THY1: variants seen among roughly 807,000 people sequenced by gnomAD.
THY1 encodes thy-1 membrane glycoprotein.
A neutral mutation model predicts 14.9 loss-of-function variants in THY1; 10 were observed. The ratio of observed to expected loss-of-function variants is 0.67; its 90% CI spans 0.41 to 1.14. The LOEUF is 1.14. THY1 is among the 50% of genes most tolerant of loss of function. THY1 has a pLI of 0.00. For missense variants in THY1, 159 were observed against 202.1 expected (o/e 0.79, Z 1.29); for synonymous variants, 80 against 90.0 (o/e 0.89, Z 0.63).
At position 119,418,377 on chromosome 11, in the gene THY1, G is replaced by A. The variant is rs1861821292; in HGVS notation, c.*1031C>T. ...TGCCTCAGGCCCCGCAGAAGTCCCT[G>A]AGAAGGCAGGCCTGCGGGGCAGGGG... On this transcript the variant is annotated 3_prime_UTR_variant, in exon 4 of 4. Coordinates refer to ENST00000284240, the MANE Select transcript of THY1 (RefSeq NM_006288.5). The A allele has an allele frequency of 6.6e-6, 1 of 152,318 alleles. No homozygotes were observed. 9.4% of individuals were successfully genotyped at this position (152,318 alleles called of 1,614,324 possible). A position where few individuals can be genotyped will look rare whatever the true frequency, so the allele number is the denominator to read the frequency against.
chr11:119,423,289 G>A (rs920377597), upstream of THY1: 39 of 354,768 alleles, frequency 1.1e-4, 1 homozygote, highest in Non-Finnish European at 1.7e-4. Flanking sequence ...AGGGTGGGGT[G>A]GGGGGTGGGG....
chr11:119,423,448 C>G (rs577227915), upstream of THY1: 1 of 350,452 alleles, frequency 2.9e-6, no homozygotes, highest in East Asian at 7.7e-5. Flanking sequence ...ACATTATCCT[C>G]CTCCCTGAGC....
chr11:119,420,307 G>T lies in THY1; in HGVS notation c.117C>A (p.Arg39=). ...TGGGTGAACTGCTGGTATTCTCATGGCGGCAGTCCAGACGAAGGCTCTGGT... is the reference window on the plus strand; with the variant it reads ...TGGGTGAACTGCTGGTATTCTCATGTCGGCAGTCCAGACGAAGGCTCTGGT... ...LVDQSLRLDC[R]HENTSSSPIQ... The change falls in exon 3 of 4, where the codon CGC becomes CGA. Residue 39 remains arginine, a synonymous_variant. Coordinates refer to ENST00000284240, the MANE Select transcript of THY1 (RefSeq NM_006288.5). 1 of 1,614,224 alleles carries T rather than the reference G, an allele frequency of 6.2e-7. No individual in the cohort carries two copies. Among genetic ancestry groups the T allele is most frequent in the Non-Finnish European group, 8.5e-7 (1 of 1,180,052 alleles).
chr11:119,424,578 A>G (rs571358228), upstream of THY1, among the ~76,000 whole-genome samples: 25 of 152,146 alleles, frequency 1.6e-4, no homozygotes, highest in Non-Finnish European at 3.1e-4. Flanking sequence ...TGAGCCTTGC[A>G]GATGGTTAAG....
Position 119,417,778 on chromosome 11 carries a change from G to C in THY1, c.*1630C>G, listed in dbSNP as rs1454993438. The C allele has an allele frequency of 6.6e-6, 1 of 152,288 alleles. No individual in the cohort carries two copies. 9.4% of individuals were successfully genotyped at this position (152,288 alleles called of 1,614,324 possible). A position where few individuals can be genotyped will look rare whatever the true frequency, so the allele number is the denominator to read the frequency against. On this transcript the variant is annotated 3_prime_UTR_variant, in exon 4 of 4. Coordinates refer to ENST00000284240, the MANE Select transcript of THY1 (RefSeq NM_006288.5). Reference sequence around the variant, plus strand: ...CCTTCGTGCTCACCCTCGCAATAGTGGATGTGCCTGGAGGGTACATTTCTG... The same window carrying C: ...CCTTCGTGCTCACCCTCGCAATAGTCGATGTGCCTGGAGGGTACATTTCTG...
upstream of THY1, chr11:119,423,673 G>A (rs765324383): frequency 5.6e-6 from 1 of 178,658 alleles, no homozygotes; most frequent in African/African-American, 2.4e-5. Flanking sequence ...CTGGTTGGGT[G>A]TTTTTCAGTG....
chr11:119,418,129 G>C lies in THY1; in HGVS notation c.*1279C>G, dbSNP rs576756866. Reference sequence around the variant, plus strand: ...ACCCGTGGAGACCCCAGCGAAGCGGGGGCAGGCAGGCACTGCTGGAGGAGC... The same window carrying C: ...ACCCGTGGAGACCCCAGCGAAGCGGCGGCAGGCAGGCACTGCTGGAGGAGC... On this transcript the variant is annotated 3_prime_UTR_variant, in exon 4 of 4. Coordinates refer to ENST00000284240, the MANE Select transcript of THY1 (RefSeq NM_006288.5). 11 of 152,656 alleles carry C rather than the reference G, an allele frequency of 7.2e-5. No individual in the cohort carries two copies. Among genetic ancestry groups the C allele is most frequent in the African/African-American group, 2.6e-4 (11 of 41,598 alleles). 9.5% of individuals were successfully genotyped at this position (152,656 alleles called of 1,614,324 possible). A position where few individuals can be genotyped will look rare whatever the true frequency, so the allele number is the denominator to read the frequency against.
Position 119,417,629 on chromosome 11 carries a change from G to GCC in THY1, c.*1777_*1778dup, listed in dbSNP as rs1326472785. 3.3e-5 allele frequency: 5 copies of GCC among 152,186 alleles called. No homozygotes were observed. Among genetic ancestry groups the GCC allele is most frequent in the Non-Finnish European group, 7.3e-5 (5 of 68,034 alleles). The allele number at this position is 152,186 out of a possible 1,614,324, so 9.4% of individuals were successfully genotyped here. ...ATTTTACTCTACTTTTAGGGAAGGA[G>GCC]CCAGGGATGGGCCTCAGTGTTCCCT... On this transcript the variant is annotated 3_prime_UTR_variant, in exon 4 of 4. Transcript: ENST00000284240.
intron 2 of THY1, chr11:119,420,623 T>C: frequency 1.6e-6 from 1 of 630,298 alleles, no homozygotes; most frequent in South Asian, 2.0e-5. Flanking sequence ...AGGGAGTTGA[T>C]GCTGGTTCCG....
rs1861930332 is a variant in THY1, at chr11:119,422,634, C to T, written c.-25+479G>A. 1 of 219,762 alleles carries T rather than the reference C, an allele frequency of 4.6e-6. No individual in the cohort carries two copies. Among genetic ancestry groups the T allele is most frequent in the African/African-American group, 2.4e-5 (1 of 42,132 alleles). 13.6% of individuals were successfully genotyped at this position (219,762 alleles called of 1,614,324 possible). On this transcript the variant is annotated intron_variant, in intron 1 of 3. Transcript: ENST00000284240. The surrounding 1 kb of genome is among the most constrained non-coding windows in gnomAD (Gnocchi z 7.0). The stretch of plus-strand genomic sequence containing the variant: ...CCCGTCCGCCCGCCTTCCACCCAGT[C>T]CCCGCCTGCGGCACTGCGGCTTCCT...
At chr11:119,420,994 C>A in intron 1 of THY1, 65 bp from the exon 2 acceptor site, 1 of 1,505,016 alleles carries the variant, frequency 6.6e-7, no homozygotes, top group Non-Finnish European at 9.2e-7. Flanking sequence ...GCTGGGGGTC[C>A]CTGGGAACAT....
In THY1 at chr11:119,415,710, G is replaced by A. The variant is rs559978841; in HGVS notation, c.*3698C>T. On this transcript the variant is annotated 3_prime_UTR_variant, in exon 4 of 4. Transcript: ENST00000284240. Reference sequence around the variant, plus strand: ...ACTGACCCCAGCTCTTCCTTGTGCCGGGCAAAGATGCCTCCTGTGGGTCTG... The same window carrying A: ...ACTGACCCCAGCTCTTCCTTGTGCCAGGCAAAGATGCCTCCTGTGGGTCTG... 3.3e-5 allele frequency among the ~76,000 whole-genome samples: 5 copies of A among 152,222 alleles called. No homozygotes were observed. The highest frequency in any genetic ancestry group is 2.1e-4 in the South Asian group (1 of 4,816).
At position 119,420,390 on chromosome 11, in the gene THY1, G is replaced by C. The variant is rs778627164; in HGVS notation, c.38-4C>G. ...TGCCCTCGGGAGACCTGCAAGACTG[G>C]CACCAGCAGTGCCTCCTTCAAACTG... On this transcript the variant is annotated splice_polypyrimidine_tract_variant and splice_region_variant and intron_variant, in intron 2 of 3. Transcript: ENST00000284240. 3.6e-5 allele frequency: 58 copies of C among 1,604,080 alleles called. No individual in the cohort carries two copies. Among genetic ancestry groups the C allele is most frequent in the Non-Finnish European group, 4.5e-5 (53 of 1,176,106 alleles).
chr11:119,420,712 G>T, intron 2 of THY1, 157 bp downstream of exon 2: 1 of 935,412 alleles, frequency 1.1e-6, no homozygotes, highest in Non-Finnish European at 1.6e-6. Context: ...ACCTCAGGCC[G>T]TCAGAATATC....
intron 1 of THY1, chr11:119,421,828 G>A (rs1313568558): frequency 6.6e-6 from 1 of 152,260 alleles, no homozygotes; most frequent in East Asian, 1.9e-4. Flanking sequence ...AGTGATCTCC[G>A]ATTGTATGTG....
chr11:119,419,659 C>A, intron 3 of THY1, 139 bp from the exon 4 acceptor site: 1 of 665,766 alleles, frequency 1.5e-6, no homozygotes. Flanking sequence ...AGGAACAGCC[C>A]GGTCTCACAG....
In THY1 at chr11:119,416,209, C is replaced by G. The variant is rs1478488083; in HGVS notation, c.*3199G>C. Among the ~76,000 whole-genome samples, 1 of 152,064 alleles carries G rather than the reference C, an allele frequency of 6.6e-6. No homozygotes were observed. The highest frequency in any genetic ancestry group is 2.4e-5 in the African/African-American group (1 of 41,390). ...GCTCTTGAGCGGGAATTCCACGGCC[C>G]TAGGTATGGACTTAGGTGCTGAAGG... On this transcript the variant is annotated 3_prime_UTR_variant, in exon 4 of 4. Coordinates refer to ENST00000284240, the MANE Select transcript of THY1 (RefSeq NM_006288.5).
chr11:119,420,489 G>T (rs1236600203), intron 2 of THY1, 103 bp from the exon 3 acceptor site: 3 of 1,176,054 alleles, frequency 2.6e-6, no homozygotes, highest in East Asian at 2.6e-5. Flanking sequence ...GGGGACCGGG[G>T]TCTGCTCTCT....
At position 119,418,773 on chromosome 11, in the gene THY1, A is replaced by C. The variant is rs940747980; in HGVS notation, c.*635T>G. ...ACTGGGTCATGCCCCAAGGCCTCTG[A>C]GGGACTTCCACAGTGGTAAGGAGGG... On this transcript the variant is annotated 3_prime_UTR_variant, in exon 4 of 4. Coordinates refer to ENST00000284240, the MANE Select transcript of THY1 (RefSeq NM_006288.5). 1.3e-5 allele frequency: 2 copies of C among 156,200 alleles called. No homozygotes were observed. The highest frequency in any genetic ancestry group is 4.8e-5 in the African/African-American group (2 of 41,416). 9.7% of individuals were successfully genotyped at this position (156,200 alleles called of 1,614,324 possible).
Sources: gnomAD v4.1 joint callset for allele counts (sites outside exome capture counted in the v4.1 genomes callset) on GRCh38, gnomAD v4.1.1 for gene constraint, Gnocchi (gnomAD v3.1) non-coding constraint, MANE v1.5 for transcripts, NCBI Gene and HGNC (gene_info 2026-07-23, HGNC 2026-07-21) for gene names.